FER1L6: variants seen among roughly 807,000 people sequenced by gnomAD.
The protein encoded by FER1L6 is fer-1 like family member 6.
FER1L6 carries 177 observed loss-of-function variants against 219.2 expected under a neutral mutation model. The ratio of observed to expected loss-of-function variants is 0.81; its 90% confidence interval spans 0.71 to 0.91. FER1L6 has a LOEUF of 0.91. FER1L6 is among the 40% of genes least tolerant of loss of function. The pLI, the probability that FER1L6 is intolerant of heterozygous loss-of-function variation, is 0.00. For synonymous variants in FER1L6, 768 were observed against 824.3 expected, an observed-to-expected ratio of 0.93 and a Z score of 1.17; for missense variants, 2,153 against 2,259.9, an observed-to-expected ratio of 0.95 and a Z score of 0.96.
rs946309456 is a variant in FER1L6, at chr8:124,089,601, A to AT, written c.4392-1815dup. On this transcript the variant is annotated intron_variant, in intron 33 of 40. Transcript: ENST00000522917. ...TTTTAAAATATAGACTACCAGCTTT[A>AT]TTTTTTTAAAGCATGCTGTATCTGA... 3.9e-5 allele frequency among the ~76,000 whole-genome samples: 6 copies of AT among 152,250 alleles called. No individual in the cohort carries two copies. In the East Asian group the frequency reaches 7.7e-4, roughly 20 times the overall value.
At chr8:124,065,450 A>T (rs1485240326) in intron 26 of FER1L6, among the ~76,000 whole-genome samples, 1 of 151,496 alleles carries the variant, frequency 6.6e-6, no homozygotes, top group Non-Finnish European at 1.5e-5. Context: ...CCTGCCCAGC[A>T]AATGGTAAAG....
At chr8:124,015,616 T>TGTATGTATATATA in intron 15 of FER1L6, among the ~76,000 whole-genome samples, 1 of 128,610 alleles carries the variant, frequency 7.8e-6, no homozygotes, top group African/African-American at 2.8e-5. Context: ...TATATATATA[T>TGTATGTATATATA]TACTCCTGCT....
At chr8:124,063,371 C>T (rs1009687561) in intron 25 of FER1L6, among the ~76,000 whole-genome samples, 2 of 152,156 alleles carry the variant, frequency 1.3e-5, no homozygotes, top group African/African-American at 2.4e-5. Flanking sequence ...CGCTTTCTCA[C>T]CCCTTGGTCA....
chr8:124,061,332 T>C (rs1820560602), intron 24 of FER1L6, among the ~76,000 whole-genome samples: 1 of 152,168 alleles, frequency 6.6e-6, no homozygotes, highest in Non-Finnish European at 1.5e-5. Flanking sequence ...CAACCCAGCC[T>C]GCTCCACTGG....
chr8:124,033,064 A>G (rs1458871304), intron 18 of FER1L6, among the ~76,000 whole-genome samples: 1 of 152,216 alleles, frequency 6.6e-6, no homozygotes, highest in Admixed American at 6.5e-5. Context: ...GCAATAGAAC[A>G]TTCTGTGTGA....
chr8:124,047,221 G>C (rs1819777038), intron 21 of FER1L6, among the ~76,000 whole-genome samples: 2 of 152,184 alleles, frequency 1.3e-5, no homozygotes, highest in Admixed American at 1.3e-4. Context: ...TTGTGGTTAG[G>C]AGCACAAACT....
At chr8:124,027,510 ATATCCAGCGAGT>A (rs1345593538) in intron 18 of FER1L6, among the ~76,000 whole-genome samples, 1 of 152,154 alleles carries the variant, frequency 6.6e-6, no homozygotes, top group African/African-American at 2.4e-5. Context: ...TGTCCCCCTC[ATATCCAGCGAGT>A]TGTCTGAGGC....
intron 19 of FER1L6, among the ~76,000 whole-genome samples, chr8:124,038,603 C>T (rs559466849): frequency 1.8e-4 from 27 of 152,154 alleles, no homozygotes; most frequent in Non-Finnish European, 1.0e-4. Flanking sequence ...ATGGGCCAGG[C>T]ACCATTCTGA....
At chr8:124,026,251 C>A (rs1212381977) in intron 18 of FER1L6, among the ~76,000 whole-genome samples, 1 of 152,160 alleles carries the variant, frequency 6.6e-6, no homozygotes, top group Admixed American at 6.5e-5. Flanking sequence ...TTTACCCCCA[C>A]CAGCAACTGA....
intron 12 of FER1L6, 76 bp from the exon 13 acceptor site, chr8:124,003,091 T>TC (rs1301043492): frequency 1.6e-6 from 2 of 1,278,178 alleles, no homozygotes; most frequent in Non-Finnish European, 2.2e-6. Flanking sequence ...GAACATGAGT[T>TC]TGGATCCTTT....
chr8:123,904,472 G>A (rs1350705614), intron 1 of FER1L6, among the ~76,000 whole-genome samples: 1 of 152,072 alleles, frequency 6.6e-6, no homozygotes, highest in African/African-American at 2.4e-5. Context: ...ACTTATGAGA[G>A]CCATATTCAG....
chr8:124,117,966 A>T (rs886326947), intron 39 of FER1L6, among the ~76,000 whole-genome samples: 1 of 152,210 alleles, frequency 6.6e-6, no homozygotes, highest in Non-Finnish European at 1.5e-5. Context: ...CTTCACTCCT[A>T]CCAGCTCTGC....
chr8:123,986,849 C>G (rs1447007513), intron 12 of FER1L6, among the ~76,000 whole-genome samples: 4 of 152,164 alleles, frequency 2.6e-5, no homozygotes, highest in Non-Finnish European at 5.9e-5. Context: ...GACAGGTTCT[C>G]ATTCTTTTTC....
At position 124,069,489 on chromosome 8, in the gene FER1L6, C is replaced by A; in HGVS notation, c.3834+14C>A. 6.3e-7 allele frequency: 1 copy of A among 1,581,592 alleles called. No individual in the cohort carries two copies. The highest frequency in any genetic ancestry group is 8.6e-7 in the Non-Finnish European group (1 of 1,157,562). On this transcript the variant is annotated intron_variant, in intron 29 of 40. Transcript: ENST00000522917. ...GCCATCTTGCAGGTATGTGGGGACA[C>A]AGGCATCTCTGCCATGGATGGGGAG...
intron 22 of FER1L6, among the ~76,000 whole-genome samples, chr8:124,050,576 G>A (rs896589370): frequency 6.6e-6 from 1 of 152,094 alleles, no homozygotes; most frequent in Non-Finnish European, 1.5e-5. Flanking sequence ...CTTTTAGTCA[G>A]ATCAATACCT....
chr8:123,892,210 A>G (rs568739075), intron 1 of FER1L6, among the ~76,000 whole-genome samples: 206 of 152,356 alleles, frequency 1.4e-3, no homozygotes, highest in African/African-American at 4.8e-3. Flanking sequence ...TCTCTTTTGA[A>G]AAACATTTTC....
intron 22 of FER1L6, among the ~76,000 whole-genome samples, chr8:124,052,350 C>A (rs1265936564): frequency 6.6e-6 from 1 of 152,174 alleles, no homozygotes; most frequent in Non-Finnish European, 1.5e-5. Flanking sequence ...CAACTTGAAA[C>A]CTCCCTTTTT....
chr8:124,035,832 G>A (rs1819181372), intron 19 of FER1L6, among the ~76,000 whole-genome samples: 2 of 152,188 alleles, frequency 1.3e-5, no homozygotes, highest in South Asian at 2.1e-4. Context: ...TGTGGCATTC[G>A]AGTTTTGACA....
intron 12 of FER1L6, among the ~76,000 whole-genome samples, chr8:124,001,223 C>T (rs1210602681): frequency 6.6e-6 from 1 of 152,186 alleles, no homozygotes; most frequent in African/African-American, 2.4e-5. Context: ...TATTCTCTGG[C>T]CCTGCCCTCC....
Sources: gnomAD v4.1 joint callset for allele counts (sites outside exome capture counted in the v4.1 genomes callset) on GRCh38, gnomAD v4.1.1 for gene constraint, MANE v1.5 for transcripts, NCBI Gene and HGNC (gene_info 2026-07-23, HGNC 2026-07-21) for gene names.